The following INTS7 variants were observed in gnomAD, a reference collection of about 807,000 sequenced individuals.
INTS7 encodes the protein integrator complex subunit 7.
In INTS7, 46 loss-of-function variants were observed where a neutral mutation model predicts 109.2. That is an observed-to-expected ratio of 0.42 (90% CI 0.33 to 0.54). The LOEUF (loss-of-function observed/expected upper bound fraction) is 0.54, where lower values mean the gene tolerates loss of function less well. Among genes scored for constraint, INTS7 ranks in the 20% least tolerant of loss-of-function variants. The pLI is 0.07. For synonymous variants in INTS7, 412 were observed against 402.9 expected (o/e 1.02, Z -0.27); for missense variants, 929 against 1,132.4 (o/e 0.82, Z 2.58).
chr1:211,967,166 T>C (rs1378996258), intron 15 of INTS7, among the ~76,000 whole-genome samples: 1 of 152,128 alleles, frequency 6.6e-6, no homozygotes, highest in African/African-American at 2.4e-5. Context: ...AGGAAGGGTT[T>C]AAAAGTGACG....
At chr1:211,993,845 A>G (rs1480604289) in intron 7 of INTS7, among the ~76,000 whole-genome samples, 1 of 152,152 alleles carries the variant, frequency 6.6e-6, no homozygotes, top group African/African-American at 2.4e-5. Flanking sequence ...GTTTTTGACT[A>G]CCGTAATAAT....
intron 7 of INTS7, among the ~76,000 whole-genome samples, chr1:211,989,491 T>C (rs1462018464): frequency 6.6e-6 from 1 of 151,736 alleles, no homozygotes; most frequent in Non-Finnish European, 1.5e-5. Context: ...CATATTCACA[T>C]CATATAACAT....
chr1:211,990,778 G>GCTAA (rs1665110938), intron 7 of INTS7, among the ~76,000 whole-genome samples: 1 of 152,106 alleles, frequency 6.6e-6, no homozygotes, highest in South Asian at 2.1e-4. Context: ...AAGGATAGAG[G>GCTAA]CTAAGTAAGA....
chr1:211,968,577 A>G lies in INTS7; in HGVS notation c.1946T>C (p.Ile649Thr), dbSNP rs1273841008. The G allele has an allele frequency of 1.2e-6, 2 of 1,614,004 alleles. No homozygotes were observed. The highest frequency in any genetic ancestry group is 8.5e-7 in the Non-Finnish European group (1 of 1,180,016). ...TAAGGTCATGGCAATTGTTGTGGCA[A>G]TTGCAGGTGGTGGGCTTGTCTTCAG... is the stretch of plus-strand genomic sequence containing the variant. Reference protein sequence around the residue: ...NSLKTSPPPAIATTIAMTLGN... With the variant: ...NSLKTSPPPATATTIAMTLGN... Residue 649 changes from isoleucine (I) to threonine (T), a missense_variant, in exon 14 of 20, where the codon ATT becomes ACT. Ile to Thr is a moderately conservative substitution (Grantham distance 89, BLOSUM62 -1). Coordinates refer to ENST00000366994, the MANE Select transcript of INTS7 (RefSeq NM_015434.4).
At chr1:211,998,848 A>G (rs1024426836) in intron 7 of INTS7, among the ~76,000 whole-genome samples, 1 of 152,164 alleles carries the variant, frequency 6.6e-6, no homozygotes, top group Non-Finnish European at 1.5e-5. Flanking sequence ...AAAGAATAAA[A>G]TATTAGAATA....
chr1:211,968,719 A>T lies in INTS7; in HGVS notation c.1816-12T>A, dbSNP rs1390049913. ...GGTGTACTAGCTGCCTGGGAAAAAA[A>T]AAAAAAAGAGATATTTAAGACAAAG... On this transcript the variant is annotated splice_polypyrimidine_tract_variant and intron_variant, in intron 13 of 19. Coordinates refer to ENST00000366994, the MANE Select transcript of INTS7 (RefSeq NM_015434.4). 3 of 1,594,850 alleles carry T rather than the reference A, an allele frequency of 1.9e-6. No individual in the cohort carries two copies. Among genetic ancestry groups the T allele is most frequent in the Admixed American group, 3.6e-5 (2 of 54,846 alleles).
chr1:212,016,836 T>G, intron 4 of INTS7, 50 bp downstream of exon 4: 1 of 1,529,846 alleles, frequency 6.5e-7, no homozygotes, highest in Non-Finnish European at 8.8e-7. Context: ...CTTCAAAAAT[T>G]TTTCTTGGGA....
rs891932583 is a variant in INTS7, at chr1:211,940,678, C to G, written c.*1146G>C. On this transcript the variant is annotated 3_prime_UTR_variant, in exon 20 of 20. Coordinates refer to ENST00000366994, the MANE Select transcript of INTS7 (RefSeq NM_015434.4). ...GGGGGTTTTCTGGCTAACCAGAAAA[C>G]TCTGTTCCCTGAGCATCCCAACAAA... 6.6e-6 allele frequency: 1 copy of G among 152,126 alleles called. No homozygotes were observed. The highest frequency in any genetic ancestry group is 1.5e-5 in the Non-Finnish European group (1 of 68,026). The allele number at this position is 152,126 out of a possible 1,614,324, so 9.4% of individuals were successfully genotyped here.
chr1:212,015,956 T>A (rs2102483630), intron 4 of INTS7, among the ~76,000 whole-genome samples: 1 of 152,198 alleles, frequency 6.6e-6, no homozygotes, highest in Admixed American at 6.5e-5. Flanking sequence ...ACAAATCTGT[T>A]ACATTATATA....
chr1:211,953,628 C>CCTA (rs1663218623), intron 16 of INTS7, among the ~76,000 whole-genome samples: 1 of 147,758 alleles, frequency 6.8e-6, no homozygotes, highest in Non-Finnish European at 1.5e-5. Flanking sequence ...TCAACTCCCA[C>CCTA]CTATGAGTGA....
At chr1:212,017,837 G>C (rs922083420) in intron 3 of INTS7, among the ~76,000 whole-genome samples, 1 of 152,086 alleles carries the variant, frequency 6.6e-6, no homozygotes, top group Non-Finnish European at 1.5e-5. Context: ...ACTGTTCCTA[G>C]TACTGTTAAA....
chr1:211,943,370 T>C (rs1243405294), intron 19 of INTS7, among the ~76,000 whole-genome samples: 1 of 151,944 alleles, frequency 6.6e-6, no homozygotes, highest in Non-Finnish European at 1.5e-5. Context: ...CAGTAGAAAT[T>C]ATATGCAAGT....
At position 211,942,822 on chromosome 1, in the gene INTS7, C is replaced by T. The variant is rs945141461; in HGVS notation, c.2602-711G>A. 2.0e-5 allele frequency among the ~76,000 whole-genome samples: 3 copies of T among 152,166 alleles called. No individual in the cohort carries two copies. The highest frequency in any genetic ancestry group is 4.4e-5 in the Non-Finnish European group (3 of 68,030). On this transcript the variant is annotated intron_variant, in intron 19 of 19. Transcript: ENST00000366994. This position sits in a 1 kb window ranked among gnomAD's most constrained non-coding sequence, Gnocchi z 4.2. ...AATAAAACCTGCTGACGTACTCTTACCTGTACCCAAGATGAAACGTGTCAA... is the reference window on the plus strand; with the variant it reads ...AATAAAACCTGCTGACGTACTCTTATCTGTACCCAAGATGAAACGTGTCAA...
At chr1:212,028,382 T>TAAGAAGAA (rs1667018718) in intron 1 of INTS7, among the ~76,000 whole-genome samples, 1 of 152,228 alleles carries the variant, frequency 6.6e-6, no homozygotes, top group Non-Finnish European at 1.5e-5. Context: ...TAGAAGTGTC[T>TAAGAAGAA]GACCAAAGAA....
chr1:212,015,063 C>T (rs1466826445), intron 4 of INTS7, among the ~76,000 whole-genome samples: 4 of 151,606 alleles, frequency 2.6e-5, no homozygotes, highest in Admixed American at 1.3e-4. Flanking sequence ...CGCCTCCGCC[C>T]GGCAGCCGCC....
intron 5 of INTS7, among the ~76,000 whole-genome samples, chr1:212,010,849 G>A (rs1056924974): frequency 2.0e-4 from 30 of 152,234 alleles, no homozygotes; most frequent in African/African-American, 7.0e-4. Context: ...ACTCTATGAA[G>A]TTCAAACAAC....
chr1:211,976,468 A>G (rs1174747107), intron 12 of INTS7, 114 bp downstream of exon 12: 2 of 938,944 alleles, frequency 2.1e-6, no homozygotes, highest in Admixed American at 2.4e-5. Context: ...ACCCATGACT[A>G]AAAGGTACTT....
At chr1:211,953,961 T>G (rs531768875) in intron 16 of INTS7, among the ~76,000 whole-genome samples, 39 of 152,346 alleles carry the variant, frequency 2.6e-4, no homozygotes, top group African/African-American at 8.9e-4. Context: ...TCTAGATCCC[T>G]GAGGAATTGC....
chr1:212,030,003 C>T (rs1667084867), intron 1 of INTS7, among the ~76,000 whole-genome samples: 1 of 152,122 alleles, frequency 6.6e-6, no homozygotes, highest in Non-Finnish European at 1.5e-5. Context: ...ACGTACATGG[C>T]AAGATGTATG....
Sources: gnomAD v4.1 joint callset for allele counts (sites outside exome capture counted in the v4.1 genomes callset) on GRCh38, gnomAD v4.1.1 for gene constraint, Gnocchi (gnomAD v3.1) non-coding constraint, MANE v1.5 for transcripts, NCBI Gene and HGNC (gene_info 2026-07-23, HGNC 2026-07-21) for gene names.